The following SMOC1 variants were observed in gnomAD, a reference collection of about 807,000 sequenced individuals.
The protein encoded by SMOC1 is SPARC-related modular calcium-binding protein 1.
SMOC1 carries 22 observed loss-of-function variants against 56.3 expected under a neutral mutation model. That is an observed-to-expected ratio of 0.39 (90% CI 0.28 to 0.56). The LOEUF is 0.56. Among genes scored for constraint, SMOC1 ranks in the 20% least tolerant of loss-of-function variants. The probability of loss-of-function intolerance (pLI) is 0.61; values close to 1 mark genes in which losing one functional copy is unlikely to be tolerated. For missense variants in SMOC1, 509 were observed against 565.4 expected, an observed-to-expected ratio of 0.90 and a Z score of 1.01; for synonymous variants, 193 against 215.0, an observed-to-expected ratio of 0.90 and a Z score of 0.89.
chr14:69,989,297 A>C (rs1420485812), intron 5 of SMOC1, among the ~76,000 whole-genome samples: 4 of 152,144 alleles, frequency 2.6e-5, no homozygotes, highest in Non-Finnish European at 5.9e-5. Context: ...ACAATGTTGG[A>C]TATCTTTTCA....
chr14:69,956,917 C>G (rs1237495093), intron 3 of SMOC1, among the ~76,000 whole-genome samples: 1 of 152,092 alleles, frequency 6.6e-6, no homozygotes, highest in South Asian at 2.1e-4. Context: ...TGTGTTTTTT[C>G]GAGCTCCCCA....
intron 3 of SMOC1, among the ~76,000 whole-genome samples, chr14:69,970,446 T>C: frequency 6.6e-6 from 1 of 152,214 alleles, no homozygotes; most frequent in East Asian, 1.9e-4. Flanking sequence ...TTATGATTGC[T>C]TGGATATTGG....
intron 7 of SMOC1, among the ~76,000 whole-genome samples, chr14:69,998,781 C>T (rs567192376): frequency 6.6e-6 from 1 of 152,352 alleles, no homozygotes; most frequent in African/African-American, 2.4e-5. Flanking sequence ...GGGCTTGACT[C>T]TGTGGCCTCA....
chr14:69,895,288 G>A (rs972790705), intron 1 of SMOC1, among the ~76,000 whole-genome samples: 2 of 152,232 alleles, frequency 1.3e-5, no homozygotes, highest in African/African-American at 4.8e-5. Context: ...TTCCGCCAGT[G>A]TCGAAGGTTT....
chr14:69,890,102 C>T (rs895328864), intron 1 of SMOC1, among the ~76,000 whole-genome samples: 2 of 152,182 alleles, frequency 1.3e-5, no homozygotes, highest in African/African-American at 4.8e-5. Context: ...GGGCCTGGTA[C>T]AGTGCCTGGC....
At chr14:69,920,293 A>T (rs1209215628) in intron 1 of SMOC1, among the ~76,000 whole-genome samples, 1 of 152,218 alleles carries the variant, frequency 6.6e-6, no homozygotes, top group African/African-American at 2.4e-5. Context: ...GATCCTAGAT[A>T]TGATTAGAGC....
chr14:69,942,493 T>C (rs191043756), intron 1 of SMOC1, among the ~76,000 whole-genome samples: 2 of 152,318 alleles, frequency 1.3e-5, no homozygotes, highest in East Asian at 3.9e-4. Flanking sequence ...TTTAACAAAT[T>C]TATATAGTTG....
chr14:69,903,615 G>A (rs967710044), intron 1 of SMOC1, among the ~76,000 whole-genome samples: 1 of 152,176 alleles, frequency 6.6e-6, no homozygotes, highest in African/African-American at 2.4e-5. Flanking sequence ...CCAACCCGGT[G>A]CTCTCTGAAA....
chr14:69,952,058 C>A (rs1883016787), intron 1 of SMOC1, 80 bp from the exon 2 acceptor site: 2 of 1,505,768 alleles, frequency 1.3e-6, no homozygotes, highest in Admixed American at 3.3e-5. Flanking sequence ...TAAAGGCAAA[C>A]AAGTACTGTA....
chr14:69,976,916 A>G (rs963330722), intron 4 of SMOC1, among the ~76,000 whole-genome samples: 1 of 152,238 alleles, frequency 6.6e-6, no homozygotes, highest in African/African-American at 2.4e-5. Flanking sequence ...ATAAGAATCT[A>G]CATCAGGAAA....
intron 1 of SMOC1, chr14:69,885,639 C>A: frequency 5.5e-6 from 8 of 1,460,090 alleles, no homozygotes; most frequent in Non-Finnish European, 7.6e-6. Context: ...GGCAAGAAGA[C>A]AACCAGCTCG....
At chr14:70,002,485 A>G (rs549096345) in intron 7 of SMOC1, among the ~76,000 whole-genome samples, 1 of 151,842 alleles carries the variant, frequency 6.6e-6, no homozygotes, top group African/African-American at 2.4e-5. Context: ...CCAGTTGTCT[A>G]CCCTCTATTT....
In SMOC1 at chr14:70,011,381, T is replaced by G. The variant is rs140291030; in HGVS notation, c.858-104T>G. The G allele has an allele frequency of 0.013, 14,371 of 1,117,328 alleles. 120 individuals carry two copies. The highest frequency in any genetic ancestry group is 0.022 in the Middle Eastern group (112 of 5,104). The allele number at this position is 1,117,328 out of a possible 1,614,324, so 69.2% of individuals were successfully genotyped here. On this transcript the variant is annotated intron_variant, in intron 8 of 11. Coordinates refer to ENST00000361956, the MANE Select transcript of SMOC1 (RefSeq NM_001034852.3). ...GAGATATCGTTCTGCCCACCCTCAGTGCTTTAGGCTTGGTGACAACATAGA... is the reference window on the plus strand; with the variant it reads ...GAGATATCGTTCTGCCCACCCTCAGGGCTTTAGGCTTGGTGACAACATAGA...
At position 69,975,846 on chromosome 14, in the gene SMOC1, G is replaced by T. The variant is rs1883931157; in HGVS notation, c.478+32G>T. 4 of 1,527,292 alleles carry T rather than the reference G, an allele frequency of 2.6e-6. No individual in the cohort carries two copies. The African/African-American group carries it at 4.1e-5, about 16-fold the overall frequency. 94.6% of individuals were successfully genotyped at this position (1,527,292 alleles called of 1,614,324 possible). ...TAGGGAGGGGCGGGAAGAATGAAAA[G>T]GGTTGGAGAGAGACCCGTTGGTTGG... On this transcript the variant is annotated intron_variant, in intron 4 of 11. Coordinates refer to ENST00000361956, the MANE Select transcript of SMOC1 (RefSeq NM_001034852.3).
intron 3 of SMOC1, among the ~76,000 whole-genome samples, chr14:69,970,545 G>C (rs1883722617): frequency 6.6e-6 from 1 of 152,204 alleles, no homozygotes; most frequent in Non-Finnish European, 1.5e-5. Flanking sequence ...TGCACACAGG[G>C]TGGCTTTGAG....
chr14:69,903,902 A>T (rs1399336830), intron 1 of SMOC1, among the ~76,000 whole-genome samples: 3 of 24,870 alleles, frequency 1.2e-4, no homozygotes, highest in Non-Finnish European at 9.4e-4. Context: ...TGATCAATTA[A>T]AAAAAAAAAA....
At chr14:69,933,648 G>T (rs900462351) in intron 1 of SMOC1, among the ~76,000 whole-genome samples, 2 of 152,058 alleles carry the variant, frequency 1.3e-5, no homozygotes, top group African/African-American at 4.8e-5. Context: ...TCATGTCTCA[G>T]CTGGGACTAC....
chr14:69,993,600 G>A (rs1051308916), intron 6 of SMOC1, among the ~76,000 whole-genome samples: 2 of 152,190 alleles, frequency 1.3e-5, no homozygotes, highest in Admixed American at 1.3e-4. Context: ...TAGCTCTGAG[G>A]AGGATTGAAA....
intron 1 of SMOC1, among the ~76,000 whole-genome samples, chr14:69,930,917 A>G (rs537501125): frequency 6.6e-6 from 1 of 152,116 alleles, no homozygotes; most frequent in South Asian, 2.1e-4. Flanking sequence ...CTTCTTTTCC[A>G]TCTCCACTGC....
Sources: allele counts gnomAD v4.1 joint callset (sites outside exome capture counted in the v4.1 genomes callset), GRCh38; gene constraint gnomAD v4.1.1; transcripts MANE v1.5; gene names NCBI Gene and HGNC (gene_info 2026-07-23, HGNC 2026-07-21).